GRIK3: variants seen among roughly 807,000 people sequenced by gnomAD.
The protein encoded by GRIK3 is glutamate ionotropic receptor kainate type subunit 3.
GRIK3 carries 29 observed loss-of-function variants against 102.5 expected under a neutral mutation model. That is an observed-to-expected ratio of 0.28 (90% CI 0.21 to 0.39). The LOEUF is 0.39. Among genes scored for constraint, GRIK3 ranks in the 10% least tolerant of loss-of-function variants. GRIK3 has a pLI of 1.00. For missense variants in GRIK3, 908 were observed against 1,252.4 expected, an observed-to-expected ratio of 0.73 and a Z score of 4.15; for synonymous variants, 511 against 504.9, an observed-to-expected ratio of 1.01 and a Z score of -0.16.
chr1:36,861,051 C>T (rs1187218076), intron 5 of GRIK3, among the ~76,000 whole-genome samples: 2 of 152,174 alleles, frequency 1.3e-5, no homozygotes, highest in Non-Finnish European at 2.9e-5. Flanking sequence ...TATTGCCTTA[C>T]AGGACATTAA....
In GRIK3 at chr1:36,806,033, G is replaced by A. The variant is rs1642497256; in HGVS notation, c.2314+71C>T. 1.1e-6 allele frequency: 1 copy of A among 949,194 alleles called. No homozygotes were observed. The allele number at this position is 949,194 out of a possible 1,614,324, so 58.8% of individuals were successfully genotyped here. ...TGGAATGAGCTGTGAGACGGAGTGT[G>A]AGGGGACGCGGGGGTGGAGCCCTCC... On this transcript the variant is annotated intron_variant, in intron 14 of 15. Transcript: ENST00000373091. This position sits in a 1 kb window ranked among gnomAD's most constrained non-coding sequence, Gnocchi z 4.0.
At chr1:36,968,220 CGTGTGTGTGTGTGT>C (rs66480824) in intron 1 of GRIK3, among the ~76,000 whole-genome samples, 1,519 of 141,138 alleles carry the variant, frequency 0.011, 29 homozygotes, top group African/African-American at 0.034. Context: ...TCTCTCTCTC[CGTGTGTGTGTGTGT>C]GTGTGTGTGT....
chr1:36,797,181 C>A lies in GRIK3; in HGVS notation c.*4670G>T, dbSNP rs1178874850. 1.3e-5 allele frequency: 2 copies of A among 152,188 alleles called. No individual in the cohort carries two copies. The highest frequency in any genetic ancestry group is 1.5e-5 in the Non-Finnish European group (1 of 68,078). 9.4% of individuals were successfully genotyped at this position (152,188 alleles called of 1,614,324 possible). On this transcript the variant is annotated 3_prime_UTR_variant, in exon 16 of 16. Coordinates refer to ENST00000373091, the MANE Select transcript of GRIK3 (RefSeq NM_000831.4). ...CTTTGCTGCTGCAGCCCCCATCTCT[C>A]ATCTGGTCCTCACCCGTGCTGGCTG...
At chr1:36,950,078 G>T (rs1320194553) in intron 1 of GRIK3, among the ~76,000 whole-genome samples, 1 of 152,028 alleles carries the variant, frequency 6.6e-6, no homozygotes, top group Non-Finnish European at 1.5e-5. Context: ...TAGCTTCAGG[G>T]TACACACATA....
intron 1 of GRIK3, among the ~76,000 whole-genome samples, chr1:36,933,229 C>T (rs867523191): frequency 1.3e-5 from 2 of 152,120 alleles, no homozygotes; most frequent in African/African-American, 4.8e-5. Flanking sequence ...TCTGTGCCCC[C>T]CACCCCTGCC....
At chr1:36,865,278 T>C (rs1640770849) in intron 5 of GRIK3, among the ~76,000 whole-genome samples, 1 of 152,186 alleles carries the variant, frequency 6.6e-6, no homozygotes, top group South Asian at 2.1e-4. Context: ...CAAAGCTGGT[T>C]GGAACAGATA....
At chr1:36,948,238 G>T (rs1641806050) in intron 1 of GRIK3, among the ~76,000 whole-genome samples, 2 of 152,322 alleles carry the variant, frequency 1.3e-5, no homozygotes, top group Admixed American at 1.3e-4. Context: ...AAACTTGCCT[G>T]CTCTGAAGCA....
intron 1 of GRIK3, among the ~76,000 whole-genome samples, chr1:36,992,004 T>A (rs1235632638): frequency 6.6e-6 from 1 of 152,162 alleles, no homozygotes; most frequent in Admixed American, 6.5e-5. Flanking sequence ...AGGCCAAGCC[T>A]GGCAGTAAAA....
intron 1 of GRIK3, among the ~76,000 whole-genome samples, chr1:36,947,537 C>G (rs545596522): frequency 6.6e-6 from 1 of 152,296 alleles, no homozygotes; most frequent in South Asian, 2.1e-4. Flanking sequence ...TTCCTGCCCT[C>G]CCTTCCCTCT....
At chr1:36,952,790 T>C (rs1641860379) in intron 1 of GRIK3, among the ~76,000 whole-genome samples, 1 of 152,198 alleles carries the variant, frequency 6.6e-6, no homozygotes, top group Non-Finnish European at 1.5e-5. Flanking sequence ...TGATAGGGAA[T>C]ACTGGGTGTT....
rs1024770787 is a variant in GRIK3, at chr1:36,806,841, T to C, written c.2092-515A>G. 6.6e-6 allele frequency among the ~76,000 whole-genome samples: 1 copy of C among 152,174 alleles called. No homozygotes were observed. The highest frequency in any genetic ancestry group is 2.4e-5 in the African/African-American group (1 of 41,432). On this transcript the variant is annotated intron_variant, in intron 13 of 15. Coordinates refer to ENST00000373091, the MANE Select transcript of GRIK3 (RefSeq NM_000831.4). This position sits in a 1 kb window ranked among gnomAD's most constrained non-coding sequence, Gnocchi z 4.0. ...CCAGGCCATCTGGCTCCAGAGTCCATACCCCTAACCCCTCAGCTGCCCTGC... is the reference window on the plus strand; with the variant it reads ...CCAGGCCATCTGGCTCCAGAGTCCACACCCCTAACCCCTCAGCTGCCCTGC...
At chr1:36,855,621 A>T (rs1480381803) in intron 7 of GRIK3, among the ~76,000 whole-genome samples, 1 of 152,246 alleles carries the variant, frequency 6.6e-6, no homozygotes, top group Admixed American at 6.5e-5. Context: ...CCTACTTCAC[A>T]GGTATAAAAA....
chr1:37,011,771 G>A (rs965929212), intron 1 of GRIK3, among the ~76,000 whole-genome samples: 1 of 152,186 alleles, frequency 6.6e-6, no homozygotes, highest in Non-Finnish European at 1.5e-5. Context: ...GAATTTCAGG[G>A]AAGACCATGG....
chr1:36,961,960 T>C (rs976219326), intron 1 of GRIK3, among the ~76,000 whole-genome samples: 25 of 152,266 alleles, frequency 1.6e-4, no homozygotes, highest in African/African-American at 6.0e-4. Context: ...TGGTGAGAAC[T>C]GGTCTAAGAG....
chr1:37,018,707 G>A (rs1409592058), intron 1 of GRIK3, among the ~76,000 whole-genome samples: 1 of 152,090 alleles, frequency 6.6e-6, no homozygotes, highest in Non-Finnish European at 1.5e-5. Context: ...AGATGAGTCA[G>A]GCTCAAAGGC....
At chr1:36,941,590 C>T (rs755287083) in intron 1 of GRIK3, among the ~76,000 whole-genome samples, 2 of 151,998 alleles carry the variant, frequency 1.3e-5, no homozygotes, top group African/African-American at 2.4e-5. Flanking sequence ...CCCCTCCCAC[C>T]GTGGCTATGG....
intron 11 of GRIK3, among the ~76,000 whole-genome samples, chr1:36,820,060 G>A (rs766436289): frequency 3.3e-5 from 5 of 152,160 alleles, no homozygotes; most frequent in Admixed American, 6.5e-5. Context: ...CCAGCATCTC[G>A]TAAAATTAAA....
intron 1 of GRIK3, among the ~76,000 whole-genome samples, chr1:36,938,202 T>A (rs950655063): frequency 6.6e-6 from 1 of 152,090 alleles, no homozygotes; most frequent in South Asian, 2.1e-4. Context: ...GTGGATGGCC[T>A]CCCTAAAGTA....
intron 2 of GRIK3, among the ~76,000 whole-genome samples, chr1:36,887,099 C>T (rs1322597829): frequency 6.6e-6 from 1 of 152,126 alleles, no homozygotes; most frequent in Non-Finnish European, 1.5e-5. Flanking sequence ...AAATAGTTCT[C>T]CTAAGAAATG....
Sources: allele counts gnomAD v4.1 joint callset (sites outside exome capture counted in the v4.1 genomes callset), GRCh38; gene constraint gnomAD v4.1.1; non-coding constraint Gnocchi (gnomAD v3.1); transcripts MANE v1.5; gene names NCBI Gene and HGNC (gene_info 2026-07-23, HGNC 2026-07-21).